The following TLK1 variants were observed in gnomAD, a reference collection of about 807,000 sequenced individuals.
TLK1 encodes the protein serine/threonine-protein kinase tousled-like 1.
In TLK1, 24 loss-of-function variants were observed where a neutral mutation model predicts 105.3. That is an observed-to-expected ratio of 0.23 (90% confidence interval 0.17 to 0.32). The LOEUF (loss-of-function observed/expected upper bound fraction) is 0.32, where lower values mean the gene tolerates loss of function less well. Among genes scored for constraint, TLK1 ranks in the 10% least tolerant of loss-of-function variants. The probability of loss-of-function intolerance (pLI) is 1.00; values close to 1 mark genes in which losing one functional copy is unlikely to be tolerated. For missense variants in TLK1, 558 were observed against 910.5 expected (o/e 0.61, Z 4.98); for synonymous variants, 321 against 310.4 (o/e 1.03, Z -0.36).
intron 1 of TLK1, among the ~76,000 whole-genome samples, chr2:171,123,869 T>C (rs909866281): frequency 2.0e-5 from 3 of 152,120 alleles, no homozygotes; most frequent in African/African-American, 7.2e-5. Context: ...GTATTTGTCT[T>C]TGAAAATGTC....
chr2:170,997,475 CAG>C (rs1217925262), intron 19 of TLK1, among the ~76,000 whole-genome samples: 1 of 151,956 alleles, frequency 6.6e-6, no homozygotes, highest in Non-Finnish European at 1.5e-5. Flanking sequence ...AGCATGTTAA[CAG>C]ATAGTTACTT....
At chr2:171,073,162 A>C (rs1024582519) in intron 3 of TLK1, among the ~76,000 whole-genome samples, 2 of 152,228 alleles carry the variant, frequency 1.3e-5, no homozygotes, top group Non-Finnish European at 2.9e-5. Flanking sequence ...TCTGCAAACA[A>C]GGATAATTTG....
intron 1 of TLK1, among the ~76,000 whole-genome samples, chr2:171,182,935 A>AGAAAG (rs1553487147): frequency 9.3e-5 from 12 of 128,838 alleles, no homozygotes; most frequent in African/African-American, 4.0e-4. Flanking sequence ...AAAAAAAAAA[A>AGAAAG]AAAGAAAGAA....
At chr2:171,164,845 GCA>G (rs1223418557), upstream of TLK1, among the ~76,000 whole-genome samples, 2 of 151,946 alleles carry the variant, frequency 1.3e-5, no homozygotes, top group Non-Finnish European at 2.9e-5. Flanking sequence ...TCAAGACTGG[GCA>G]CGGTGCCTCA....
At position 171,187,871 on chromosome 2, in the gene TLK1, C is replaced by T. The variant is rs531139056; in HGVS notation, c.-6+43274G>A. Among the ~76,000 whole-genome samples the T allele has an allele frequency of 4.6e-5, 7 of 152,212 alleles. No individual in the cohort carries two copies. In the East Asian group the frequency reaches 1.3e-3, roughly 29 times the overall value. On this transcript the variant is annotated intron_variant, in intron 1 of 20. Coordinates refer to the TLK1 transcript ENST00000521943. ...AATGAATGGATGAATAAGAAACTTA[C>T]TATAAGTAGAGATTTAATTATATAC...
At chr2:171,129,555 A>G (rs1691010211) in intron 1 of TLK1, among the ~76,000 whole-genome samples, 1 of 152,146 alleles carries the variant, frequency 6.6e-6, no homozygotes, top group South Asian at 2.1e-4. Flanking sequence ...AAAATCAACA[A>G]GGGGCCAGGA....
chr2:171,091,388 C>G (rs1477575332), intron 2 of TLK1, among the ~76,000 whole-genome samples: 4 of 152,164 alleles, frequency 2.6e-5, no homozygotes, highest in Non-Finnish European at 5.9e-5. Flanking sequence ...AAAGCATTAA[C>G]TGTCTTAAAT....
chr2:171,142,189 G>A (rs931004329), intron 1 of TLK1, among the ~76,000 whole-genome samples: 1 of 151,632 alleles, frequency 6.6e-6, no homozygotes, highest in Admixed American at 6.6e-5. Flanking sequence ...GGGGGGTGGG[G>A]GGTATTTGGA....
rs761494587 is a variant in TLK1 at position 171,050,079 on chromosome 2, T to C, written c.828A>G (p.Lys276=). ...TTTAGCCTACCTTTTCAATAAGAAG[T>C]TTCTTGCTCATTGATATGCACTTAT... The part of the protein sequence containing the change: ...RLNKCISMSK[K]LLIEKSTQEK... Residue 276 remains lysine (K), a synonymous_variant, in exon 9 of 21, where the codon AAA becomes AAG. Coordinates refer to ENST00000431350, the MANE Select transcript of TLK1 (RefSeq NM_012290.5). 5 of 1,602,732 alleles carry C rather than the reference T, an allele frequency of 3.1e-6. No individual in the cohort carries two copies. Among genetic ancestry groups the C allele is most frequent in the Admixed American group, 3.4e-5 (2 of 58,508 alleles).
chr2:171,059,555 C>T (rs1575561835), intron 4 of TLK1, among the ~76,000 whole-genome samples: 1 of 152,250 alleles, frequency 6.6e-6, no homozygotes, highest in African/African-American at 2.4e-5. Context: ...ATTTCTGACA[C>T]TATCCACCTA....
intron 1 of TLK1, among the ~76,000 whole-genome samples, chr2:171,188,862 A>G: frequency 6.6e-6 from 1 of 151,212 alleles, no homozygotes; most frequent in East Asian, 2.0e-4. Flanking sequence ...GCGACAAAGC[A>G]AGATTCTGTC....
intron 1 of TLK1, among the ~76,000 whole-genome samples, chr2:171,174,618 T>G (rs1159333847): frequency 6.6e-6 from 1 of 152,134 alleles, no homozygotes; most frequent in Non-Finnish European, 1.5e-5. Context: ...CATGTCCTCC[T>G]CCTCCACTAA....
rs113803245 is a variant in TLK1 at position 171,185,096 on chromosome 2, C to A, written c.-6+46049G>T. 2.7e-3 allele frequency among the ~76,000 whole-genome samples: 415 copies of A among 152,302 alleles called. 4 individuals carry two copies. The highest frequency in any genetic ancestry group is 9.6e-3 in the African/African-American group (401 of 41,564). ...CCTCATGATCTGCCCGCCTTGGCCT[C>A]CCAAAGTGCTGGGATTACAGGCGTG... is the stretch of plus-strand genomic sequence containing the variant. On this transcript the variant is annotated intron_variant, in intron 1 of 20. Transcript: ENST00000521943.
At chr2:171,105,743 C>T (rs916255232) in intron 2 of TLK1, among the ~76,000 whole-genome samples, 1 of 151,844 alleles carries the variant, frequency 6.6e-6, no homozygotes, top group African/African-American at 2.4e-5. Flanking sequence ...AAAGGGAAAC[C>T]CTCCTACACT....
At chr2:171,101,928 T>C (rs922078564) in intron 2 of TLK1, among the ~76,000 whole-genome samples, 4 of 152,192 alleles carry the variant, frequency 2.6e-5, no homozygotes, top group Non-Finnish European at 5.9e-5. Flanking sequence ...TGAGAGGCAA[T>C]GACTTATTTA....
chr2:171,157,503 C>T (rs1290804390), intron 1 of TLK1, among the ~76,000 whole-genome samples: 2 of 152,046 alleles, frequency 1.3e-5, no homozygotes, highest in South Asian at 2.1e-4. Flanking sequence ...CTTTGGGACC[C>T]GAGGGAAAGA....
intron 1 of TLK1, among the ~76,000 whole-genome samples, chr2:171,157,991 A>G (rs762557397): frequency 2.8e-4 from 42 of 152,220 alleles, no homozygotes; most frequent in Admixed American, 2.0e-3. Context: ...GCTTTCTAAA[A>G]CTTCATCAAT....
rs1683789266 is a variant in TLK1, at chr2:170,991,667, G to C, written c.*2113C>G. 1 of 152,126 alleles carries C rather than the reference G, an allele frequency of 6.6e-6. No individual in the cohort carries two copies. Among genetic ancestry groups the C allele is most frequent in the Admixed American group, 6.5e-5 (1 of 15,270 alleles). 9.4% of individuals were successfully genotyped at this position (152,126 alleles called of 1,614,324 possible). On this transcript the variant is annotated 3_prime_UTR_variant, in exon 21 of 21. Coordinates refer to ENST00000431350, the MANE Select transcript of TLK1 (RefSeq NM_012290.5). ...AAAATGGTAAAGCAGTGATCTCTAG[G>C]TCTATACTACTTAACTTACTGAACC...
chr2:171,184,409 A>G (rs916050228), intron 1 of TLK1, among the ~76,000 whole-genome samples: 1 of 152,184 alleles, frequency 6.6e-6, no homozygotes, highest in African/African-American at 2.4e-5. Flanking sequence ...TTGGGAGGCC[A>G]AGGCAGGCAG....
Sources: allele counts gnomAD v4.1 joint callset (sites outside exome capture counted in the v4.1 genomes callset), GRCh38; gene constraint gnomAD v4.1.1; transcripts MANE v1.5; gene names NCBI Gene and HGNC (gene_info 2026-07-23, HGNC 2026-07-21).